Variants in KAZN observed in about 807,000 individuals in gnomAD.
The protein encoded by KAZN is kazrin, periplakin interacting protein.
KAZN carries 40 observed loss-of-function variants against 87.4 expected under a neutral mutation model. The ratio of observed to expected loss-of-function variants is 0.46; its 90% confidence interval spans 0.36 to 0.60. The LOEUF (loss-of-function observed/expected upper bound fraction) is 0.60, where lower values mean the gene tolerates loss of function less well. Ranked by LOEUF, KAZN falls within the 20% of genes least tolerant of loss-of-function variation. The pLI, the probability that KAZN is intolerant of heterozygous loss-of-function variation, is 0.00. For missense variants in KAZN, 898 were observed against 1,073.9 expected (o/e 0.84, Z 2.29); for synonymous variants, 466 against 458.3 (o/e 1.02, Z -0.22).
intron 1 of KAZN, among the ~76,000 whole-genome samples, chr1:14,728,746 C>T (rs915264639): frequency 3.3e-5 from 5 of 152,196 alleles, no homozygotes; most frequent in Non-Finnish European, 7.3e-5. Flanking sequence ...GCACCCGATC[C>T]TGCCTCTGGC....
intron 1 of KAZN, among the ~76,000 whole-genome samples, chr1:14,112,123 C>T (rs757919403): frequency 2.2e-5 from 3 of 135,420 alleles, no homozygotes; most frequent in Non-Finnish European, 3.2e-5. Flanking sequence ...TTTGCCATAT[C>T]TGACTGCTGA....
intron 4 of KAZN, among the ~76,000 whole-genome samples, chr1:15,048,878 T>C (rs147191318): frequency 0.015 from 2,330 of 151,670 alleles, 39 homozygotes; most frequent in African/African-American, 0.036. Context: ...TCCTGGGTCG[T>C]TGGTCCTGGG....
chr1:14,803,828 C>T (rs1646119504), intron 1 of KAZN, among the ~76,000 whole-genome samples: 1 of 152,240 alleles, frequency 6.6e-6, no homozygotes, highest in Admixed American at 6.5e-5. Flanking sequence ...CAGGCAGGAG[C>T]CTTGGTGGCC....
chr1:14,158,382 G>A (rs1378999901), intron 1 of KAZN, among the ~76,000 whole-genome samples: 14 of 151,660 alleles, frequency 9.2e-5, no homozygotes, highest in Non-Finnish European at 2.9e-5. Context: ...GATCAATTCT[G>A]CTGTTAAAAG....
chr1:14,379,584 G>T (rs986272957), intron 2 of KAZN, among the ~76,000 whole-genome samples: 14 of 152,248 alleles, frequency 9.2e-5, no homozygotes, highest in African/African-American at 3.4e-4. Flanking sequence ...GACCTTAAGG[G>T]TATATTGATG....
chr1:14,748,818 G>C (rs1361325374), intron 1 of KAZN, among the ~76,000 whole-genome samples: 1 of 152,108 alleles, frequency 6.6e-6, no homozygotes, highest in East Asian at 1.9e-4. Context: ...TCACTACCAA[G>C]AGTGCTGATG....
chr1:15,112,593 T>TTTTTTTTCTTCTCCCAGCGGCAGGTC, intron 14 of KAZN, 52 bp downstream of exon 14: 29 of 1,259,248 alleles, frequency 2.3e-5, no homozygotes, highest in Non-Finnish European at 2.8e-5. Context: ...GGGAAAGGTC[T>TTTTTTTTCTTCTCCCAGCGGCAGGTC]TTTTTTCTCC....
At chr1:13,979,261 T>A (rs1169789219) in intron 1 of KAZN, among the ~76,000 whole-genome samples, 1 of 151,880 alleles carries the variant, frequency 6.6e-6, no homozygotes, top group East Asian at 1.9e-4. Flanking sequence ...CTCCATCACA[T>A]ACAAAAAGGA....
intron 1 of KAZN, among the ~76,000 whole-genome samples, chr1:14,662,640 C>T (rs919326669): frequency 6.6e-6 from 1 of 151,588 alleles, no homozygotes; most frequent in Admixed American, 6.6e-5. Context: ...TGATATCTTT[C>T]TTTTAATGGG....
At chr1:14,756,240 G>A (rs1644561496) in intron 1 of KAZN, among the ~76,000 whole-genome samples, 1 of 152,156 alleles carries the variant, frequency 6.6e-6, no homozygotes, top group Non-Finnish European at 1.5e-5. Context: ...GCCCACTGGA[G>A]GCTCTTCCTC....
intron 2 of KAZN, among the ~76,000 whole-genome samples, chr1:14,582,798 T>C (rs1012089554): frequency 2.6e-5 from 4 of 152,230 alleles, no homozygotes; most frequent in African/African-American, 9.6e-5. Context: ...AATGGATCTT[T>C]ATTATGTGAA....
chr1:15,026,358 G>A (rs566405618), intron 2 of KAZN, among the ~76,000 whole-genome samples: 3 of 152,334 alleles, frequency 2.0e-5, no homozygotes, highest in South Asian at 4.1e-4. Flanking sequence ...TGGGGATAGG[G>A]AAGCTCAGAG....
chr1:14,763,284 C>A (rs1242961597), intron 1 of KAZN, among the ~76,000 whole-genome samples: 1 of 152,210 alleles, frequency 6.6e-6, no homozygotes, highest in Admixed American at 6.5e-5. Flanking sequence ...CTCAGGCAAG[C>A]CCAGAGAACA....
chr1:14,278,073 G>T (rs952325348), intron 2 of KAZN, among the ~76,000 whole-genome samples: 1 of 150,776 alleles, frequency 6.6e-6, no homozygotes, highest in Non-Finnish European at 1.5e-5. Context: ...AGGAGGCTGA[G>T]GCAGGAGAAT....
chr1:14,904,501 C>T (rs1366503957), intron 1 of KAZN, among the ~76,000 whole-genome samples: 1 of 152,198 alleles, frequency 6.6e-6, no homozygotes, highest in African/African-American at 2.4e-5. Flanking sequence ...ACATGGACGT[C>T]AGCTTGTAAG....
At chr1:14,837,073 G>A (rs1316256725) in intron 1 of KAZN, among the ~76,000 whole-genome samples, 2 of 152,036 alleles carry the variant, frequency 1.3e-5, no homozygotes, top group African/African-American at 4.8e-5. Context: ...GTTTTGCTGT[G>A]TGTTTATAAA....
At chr1:14,101,522 G>T (rs1644248336) in intron 1 of KAZN, among the ~76,000 whole-genome samples, 1 of 152,208 alleles carries the variant, frequency 6.6e-6, no homozygotes, top group South Asian at 2.1e-4. Context: ...AGTAGGGATT[G>T]AAGGGAGAGG....
At chr1:15,065,937 C>T (rs886322232) in intron 8 of KAZN, 184 bp downstream of exon 8, 5 of 1,413,748 alleles carry the variant, frequency 3.5e-6, no homozygotes, top group African/African-American at 1.5e-5. Flanking sequence ...TGGGTGTGGC[C>T]GAGCGCCTCT....
At chr1:14,055,441 G>T (rs574035939) in intron 1 of KAZN, among the ~76,000 whole-genome samples, 1 of 152,162 alleles carries the variant, frequency 6.6e-6, no homozygotes, top group African/African-American at 2.4e-5. Flanking sequence ...TAAGACACAC[G>T]CATGTTGATT....
Sources: gnomAD v4.1 joint callset for allele counts (sites outside exome capture counted in the v4.1 genomes callset) on GRCh38, gnomAD v4.1.1 for gene constraint, MANE v1.5 for transcripts, NCBI Gene and HGNC (gene_info 2026-07-23, HGNC 2026-07-21) for gene names.